The following FEZF1 variants were observed in gnomAD, a reference collection of about 807,000 sequenced individuals.
FEZF1 encodes the protein fez family zinc finger protein 1.
Under a neutral mutation model 32.4 loss-of-function variants are expected in FEZF1, and 8 were observed. The observed-to-expected ratio is 0.25, with a 90% CI of 0.15 to 0.45. The LOEUF (loss-of-function observed/expected upper bound fraction) is 0.45. Among genes scored for constraint, FEZF1 ranks in the 20% least tolerant of loss-of-function variants. The probability of loss-of-function intolerance (pLI) is 1.00; values close to 1 mark genes in which losing one functional copy is unlikely to be tolerated. For missense variants in FEZF1, 546 were observed against 622.3 expected (o/e 0.88, Z 1.31); for synonymous variants, 259 against 265.2 (o/e 0.98, Z 0.23).
intron 1 of FEZF1, 130 bp downstream of exon 1, chr7:122,303,506 GA>G (rs1242841248): frequency 4.5e-5 from 25 of 553,858 alleles, no homozygotes; most frequent in African/African-American, 3.5e-4. Flanking sequence ...AGGAAGGAAG[GA>G]AGGAAGGAAG....
chr7:122,303,420 A>T (rs1307481341), intron 1 of FEZF1, 109 bp from the exon 2 acceptor site: 1 of 1,343,972 alleles, frequency 7.4e-7, no homozygotes, highest in East Asian at 2.3e-5. Flanking sequence ...GTGTATGCAA[A>T]TAATTACCCC....
chr7:122,308,144 T>C (rs2031335684), upstream of FEZF1, among the ~76,000 whole-genome samples: 1 of 152,352 alleles, frequency 6.6e-6, no homozygotes, highest in East Asian at 1.9e-4. Flanking sequence ...TGGATTTTCT[T>C]TGAGAATCCT....
Position 122,304,298 on chromosome 7 carries a change from G to A in FEZF1, c.140C>T (p.Pro47Leu), listed in dbSNP as rs371513977. ...GGCTCCCTGCAGGAAGTGGGGGACT[G>A]GCAGGGCCTTGGGCTCTGGGGTGCG... ...MARTPEPKAL[P>L]VPHFLQGALP... Residue 47 changes from proline to leucine, a missense_variant, in exon 1 of 4, where the codon CCA becomes CTA. This residue lies in a region of FEZF1 where 345 missense variants were observed against 360.6 expected (regional missense o/e 0.96). Coordinates refer to ENST00000442488, the MANE Select transcript of FEZF1 (RefSeq NM_001024613.4). 1.2e-5 allele frequency: 20 copies of A among 1,612,810 alleles called. No homozygotes were observed. The highest frequency in any genetic ancestry group is 1.6e-5 in the Non-Finnish European group (19 of 1,179,354).
Position 122,304,254 on chromosome 7 carries a change from T to C in FEZF1, c.184A>G (p.Lys62Glu), listed in dbSNP as rs757305012. 1.4e-5 allele frequency: 22 copies of C among 1,605,296 alleles called. No homozygotes were observed. The highest frequency in any genetic ancestry group is 1.8e-5 in the Non-Finnish European group (21 of 1,174,880). The change falls in exon 1 of 4, where the codon AAG becomes GAG. Residue 62 changes from lysine to glutamate, a missense_variant. This residue lies in a region of FEZF1 where 345 missense variants were observed against 360.6 expected (regional missense o/e 0.96). Coordinates refer to ENST00000442488, the MANE Select transcript of FEZF1 (RefSeq NM_001024613.4). ...GACGAGTTGAGATGCAGAGAGTGCT[T>C]GGGTTCCCCCTTGGGTAAGGCTCCC... ...LQGALPKGEPKHSLHLNSSIP... is the reference protein window; with the variant it reads ...LQGALPKGEPEHSLHLNSSIP...
chr7:122,303,060 C>A, intron 2 of FEZF1, 117 bp downstream of exon 2: 1 of 1,538,380 alleles, frequency 6.5e-7, no homozygotes, highest in Non-Finnish European at 8.9e-7. Context: ...ATGGCATTCA[C>A]CCTGTTTAGC....
Position 122,303,216 on chromosome 7 carries a change from T to C in FEZF1, c.897A>G (p.Gln299=). The change falls in exon 2 of 4, where the codon CAA becomes CAG. Residue 299 remains glutamine, a synonymous_variant. Transcript: ENST00000442488. ...TCTTGTGCCTGCACAGGGTGCTTGC[T>C]TGCCTGAAACCTTTTCCGCACACTT... is the stretch of plus-strand genomic sequence containing the variant. ...VCKVCGKGFR[Q]ASTLCRHKII... is the part of the protein sequence containing the mutation. 6.2e-7 allele frequency: 1 copy of C among 1,614,176 alleles called. No individual in the cohort carries two copies. The highest frequency in any genetic ancestry group is 8.5e-7 in the Non-Finnish European group (1 of 1,180,048).
rs1484702838 is a variant in FEZF1, at chr7:122,301,798, A to G, written c.*199T>C. The stretch of plus-strand genomic sequence containing the variant: ...ATTTTTCATAATTGTTAGTGCCTAT[A>G]TAGAATATAATACACAAAACCATTT... On this transcript the variant is annotated 3_prime_UTR_variant, in exon 4 of 4. Transcript: ENST00000442488. The G allele has an allele frequency of 3.4e-6, 2 of 594,026 alleles. No individual in the cohort carries two copies. The highest frequency in any genetic ancestry group is 3.0e-5 in the East Asian group (1 of 32,846). 36.8% of individuals were successfully genotyped at this position (594,026 alleles called of 1,614,324 possible).
chr7:122,308,864 C>T (rs958092766), upstream of FEZF1, among the ~76,000 whole-genome samples: 12 of 151,904 alleles, frequency 7.9e-5, no homozygotes, highest in Admixed American at 2.6e-4. Flanking sequence ...GACATCACCC[C>T]CCACCCCAGC....
In FEZF1 at chr7:122,303,272, C is replaced by G. The variant is rs1216390838; in HGVS notation, c.841G>C (p.Val281Leu). ...AHYNLTRHMPVHTGARPFVCK... is the reference protein window; with the variant it reads ...AHYNLTRHMPLHTGARPFVCK... ...ACGAAGGGTCTGGCTCCTGTGTGCA[C>G]TGGCATGTGACGGGTTAAGTTATAG... The change falls in exon 2 of 4, where the codon GTG (valine) becomes CTG (leucine). Residue 281 changes from valine to leucine, a missense_variant. This residue lies in a region of FEZF1 where 118 missense variants were observed against 188.7 expected (regional missense o/e 0.63). Transcript: ENST00000442488. The G allele has an allele frequency of 6.2e-7, 1 of 1,614,086 alleles. No individual in the cohort carries two copies. Among genetic ancestry groups the G allele is most frequent in the Admixed American group, 1.7e-5 (1 of 60,022 alleles).
chr7:122,305,586 A>G (rs565618426), upstream of FEZF1: 1 of 152,346 alleles, frequency 6.6e-6, no homozygotes, highest in African/African-American at 2.4e-5. Context: ...GCGCGCGCGC[A>G]CGCTTCCGAG....
At position 122,302,038 on chromosome 7, in the gene FEZF1, G is replaced by C; in HGVS notation, c.1387C>G (p.Pro463Ala). The change falls in exon 4 of 4, where the codon CCG becomes GCG. Residue 463 changes from proline to alanine, a missense_variant. Pro to Ala is a conservative substitution (Grantham distance 27). This residue lies in a region of FEZF1 where 83 missense variants were observed against 73.0 expected (regional missense o/e 1.14). Coordinates refer to ENST00000442488, the MANE Select transcript of FEZF1 (RefSeq NM_001024613.4). This position sits in a 1 kb window ranked among gnomAD's most constrained non-coding sequence, Gnocchi z 4.4. Reference sequence around the variant, plus strand: ...TGGAGCCCGGGCTGCAGGGGCCCCGGGGTTGGCAGCGGCGGCTGCAGAGGA... The same window carrying C: ...TGGAGCCCGGGCTGCAGGGGCCCCGCGGTTGGCAGCGGCGGCTGCAGAGGA... ...LPPLQPPLPT[P>A]GPLQPGLHQG... is the part of the protein sequence containing the mutation. 1.2e-6 allele frequency: 2 copies of C among 1,602,066 alleles called. No individual in the cohort carries two copies. Among genetic ancestry groups the C allele is most frequent in the Middle Eastern group, 1.7e-4 (1 of 5,788 alleles).
In FEZF1 at chr7:122,302,478, G is replaced by A; in HGVS notation, c.1070-123C>T. On this transcript the variant is annotated intron_variant, in intron 3 of 3. Transcript: ENST00000442488. This position sits in a 1 kb window ranked among gnomAD's most constrained non-coding sequence, Gnocchi z 4.4. Reference sequence around the variant, plus strand: ...AGCCGCCACAGGTCCCACAACAAGTGCAGGGCTACTATCTGTGCCTGCACT... The same window carrying A: ...AGCCGCCACAGGTCCCACAACAAGTACAGGGCTACTATCTGTGCCTGCACT... 1 of 1,432,084 alleles carries A rather than the reference G, an allele frequency of 7.0e-7. No homozygotes were observed. The highest frequency in any genetic ancestry group is 9.4e-7 in the Non-Finnish European group (1 of 1,059,680). The allele number at this position is 1,432,084 out of a possible 1,614,324, so 88.7% of individuals were successfully genotyped here.
At chr7:122,303,499 AAGGAAGG>A in intron 1 of FEZF1, 131 bp downstream of exon 1, 1 of 501,790 alleles carries the variant, frequency 2.0e-6, no homozygotes. Context: ...GGAAGGAAGG[AAGGAAGG>A]AAGGAAGGAA....
chr7:122,306,019 C>T (rs2031269066), upstream of FEZF1: 1 of 152,260 alleles, frequency 6.6e-6, no homozygotes, highest in African/African-American at 2.4e-5. Flanking sequence ...CAAGAGCGTC[C>T]AGGAGCGCGC....
chr7:122,306,012 G>A (rs955946082), upstream of FEZF1: 1 of 152,266 alleles, frequency 6.6e-6, no homozygotes, highest in Non-Finnish European at 1.5e-5. Flanking sequence ...GCCCAGGCAA[G>A]AGCGTCCAGG....
At position 122,301,831 on chromosome 7, in the gene FEZF1, G is replaced by T; in HGVS notation, c.*166C>A. ...TAATACACAAAACCATTTAGCAGGT[G>T]CATGCAAGAGGCGAAAGGCCAGGGG... On this transcript the variant is annotated 3_prime_UTR_variant, in exon 4 of 4. Coordinates refer to ENST00000442488, the MANE Select transcript of FEZF1 (RefSeq NM_001024613.4). 1.2e-6 allele frequency: 1 copy of T among 824,904 alleles called. No homozygotes were observed. Among genetic ancestry groups the T allele is most frequent in the Non-Finnish European group, 1.9e-6 (1 of 537,978 alleles). The allele number at this position is 824,904 out of a possible 1,614,324, so 51.1% of individuals were successfully genotyped here.
chr7:122,302,767 TA>T lies in FEZF1; in HGVS notation c.1069+31del. ...TATTAAGTATGGCTTTTCATAAGAC[TA>T]ACCATGAGAGACATTTCCTGGTTTG... On this transcript the variant is annotated intron_variant, in intron 3 of 3. Coordinates refer to ENST00000442488, the MANE Select transcript of FEZF1 (RefSeq NM_001024613.4). The surrounding 1 kb of genome is among the most constrained non-coding windows in gnomAD (Gnocchi z 4.4). 6.8e-7 allele frequency: 1 copy of T among 1,475,566 alleles called. No homozygotes were observed. Among genetic ancestry groups the T allele is most frequent in the Non-Finnish European group, 9.0e-7 (1 of 1,114,752 alleles). 91.4% of individuals were successfully genotyped at this position (1,475,566 alleles called of 1,614,324 possible). A position where few individuals can be genotyped will look rare whatever the true frequency, so the allele number is the denominator to read the frequency against.
At chr7:122,305,498 A>T (rs962904047), upstream of FEZF1, 17 of 152,250 alleles carry the variant, frequency 1.1e-4, no homozygotes, top group African/African-American at 4.1e-4. Flanking sequence ...AAAGTTGAGG[A>T]GTTGCAAGGA....
upstream of FEZF1, chr7:122,305,205 C>T (rs1162671359): frequency 6.6e-6 from 1 of 151,798 alleles, no homozygotes; most frequent in East Asian, 1.9e-4. Flanking sequence ...TGCTTGGTTC[C>T]ACTGGGCCTG....
Sources: gnomAD v4.1 joint callset for allele counts (sites outside exome capture counted in the v4.1 genomes callset) on GRCh38, gnomAD v4.1.1 for gene constraint, gnomAD v4.1.1 regional missense constraint, Gnocchi (gnomAD v3.1) non-coding constraint, MANE v1.5 for transcripts, NCBI Gene and HGNC (gene_info 2026-07-23, HGNC 2026-07-21) for gene names.